ZNF718: variants seen among roughly 807,000 people sequenced by gnomAD.
ZNF718 encodes the protein zinc finger protein 718.
Under a neutral mutation model 2.6 loss-of-function variants are expected in ZNF718, and 3 were observed. The ratio of observed to expected loss-of-function variants is 1.16; its 90% confidence interval spans 0.53 to 3.01. The LOEUF is 3.01. Among genes scored for constraint, ZNF718 ranks in the 30% most tolerant of loss-of-function variants. ZNF718 has a pLI of 0.03. For synonymous variants in ZNF718, 135 were observed against 77.9 expected (o/e 1.73, Z -3.86); for missense variants, 468 against 230.0 (o/e 2.03, Z -6.69).
downstream of ZNF718, among the ~76,000 whole-genome samples, chr4:168,276 A>G (rs909617944): frequency 3.9e-4 from 59 of 152,296 alleles, no homozygotes; most frequent in African/African-American, 1.3e-3. Context: ...GGATTTTCAC[A>G]TTGATGTTCA....
intron 1 of ZNF718, among the ~76,000 whole-genome samples, chr4:126,620 C>T (rs1715231984): frequency 6.6e-6 from 1 of 152,108 alleles, no homozygotes. Context: ...CAGATTACCT[C>T]CCAAATTACT....
At chr4:200,249 T>C (rs782562841) in intron 3 of ZNF718, among the ~76,000 whole-genome samples, 3 of 152,058 alleles carry the variant, frequency 2.0e-5, no homozygotes, top group Admixed American at 2.0e-4. Context: ...GTTTTTTTTT[T>C]TGTTTGTTTG....
At position 162,081 on chromosome 4, in the gene ZNF718, C is replaced by A. The variant is rs1195048888; in HGVS notation, c.1396C>A (p.Leu466Ile). 1 of 769,874 alleles carries A rather than the reference C, an allele frequency of 1.3e-6. No homozygotes were observed. The highest frequency in any genetic ancestry group is 1.7e-5 in the African/African-American group (1 of 58,628). 47.7% of individuals were successfully genotyped at this position (769,874 alleles called of 1,614,324 possible). A position where few individuals can be genotyped will look rare whatever the true frequency, so the allele number is the denominator to read the frequency against. The change falls in exon 4 of 4, where the codon CTT (leucine) becomes ATT (isoleucine). Residue 466 changes from leucine to isoleucine, a missense_variant. Transcript: ENST00000510175. ...CGKAFKQYSN[L>I]PQHKRTHTGG... ...GAAAGCTTTTAAGCAGTACTCCAAC[C>A]TTCCTCAACATAAGAGAACTCATAC...
chr4:201,943 G>A, exon 5 of ZNF718: 1 of 184,692 alleles, frequency 5.4e-6, no homozygotes, highest in South Asian at 1.2e-4. Flanking sequence ...AGAGATCCTT[G>A]TTACATGCCC....
At chr4:142,640 A>G (rs1715862666) in intron 3 of ZNF718, among the ~76,000 whole-genome samples, 1 of 152,350 alleles carries the variant, frequency 6.6e-6, no homozygotes, top group South Asian at 2.1e-4. Context: ...AGCAAATTCT[A>G]CTGTAAAGGC....
intron 3 of ZNF718, among the ~76,000 whole-genome samples, chr4:143,956 G>A (rs1309548257): frequency 1.3e-5 from 2 of 152,094 alleles, no homozygotes; most frequent in Non-Finnish European, 2.9e-5. Flanking sequence ...CACATCTCTC[G>A]GGGGACATGA....
chr4:178,311 G>C (rs879953729), intron 3 of ZNF718, among the ~76,000 whole-genome samples: 2 of 151,906 alleles, frequency 1.3e-5, no homozygotes, highest in Non-Finnish European at 2.9e-5. Flanking sequence ...GCTAATTTTT[G>C]TATTTTTTGT....
chr4:165,418 C>T (rs982066956), downstream of ZNF718, among the ~76,000 whole-genome samples: 1 of 152,114 alleles, frequency 6.6e-6, no homozygotes, highest in African/African-American at 2.4e-5. Context: ...ATAGGTAAAG[C>T]ATCAATATGA....
At chr4:172,746 T>TTTTATACA (rs1553818320) in intron 3 of ZNF718, among the ~76,000 whole-genome samples, 5 of 152,156 alleles carry the variant, frequency 3.3e-5, no homozygotes, top group Non-Finnish European at 5.9e-5. Context: ...GTTATACATG[T>TTTTATACA]GTGTGTAAAT....
intron 3 of ZNF718, among the ~76,000 whole-genome samples, chr4:157,810 G>C (rs7679573): frequency 0.19 from 28,373 of 152,078 alleles, 2,838 homozygotes; most frequent in Admixed American, 0.26. Flanking sequence ...GTATTCTGCT[G>C]TCATTGAGCA....
chr4:141,059 G>A (rs1473599803), intron 3 of ZNF718, among the ~76,000 whole-genome samples: 6 of 152,120 alleles, frequency 3.9e-5, no homozygotes, highest in African/African-American at 4.8e-5. Flanking sequence ...CTAAAGTTGC[G>A]GAATTGTCCA....
chr4:195,622 A>G (rs1472402162), intron 3 of ZNF718, among the ~76,000 whole-genome samples: 3 of 151,814 alleles, frequency 2.0e-5, no homozygotes, highest in Non-Finnish European at 4.4e-5. Flanking sequence ...TGAACTGGTG[A>G]GGTGTGCTCA....
intron 3 of ZNF718, among the ~76,000 whole-genome samples, chr4:141,622 G>A (rs1263213844): frequency 1.3e-5 from 2 of 152,024 alleles, no homozygotes; most frequent in Non-Finnish European, 1.5e-5. Flanking sequence ...CTAAAATGAT[G>A]TTCAATCTGC....
chr4:149,814 CA>C, intron 3 of ZNF718: 1 of 152,208 alleles, frequency 6.6e-6, no homozygotes, highest in South Asian at 2.1e-4. Flanking sequence ...GTGAGACAAA[CA>C]CTTTTGCAAT....
intron 3 of ZNF718, among the ~76,000 whole-genome samples, chr4:191,071 T>C (rs1717683759): frequency 6.6e-6 from 1 of 151,606 alleles, no homozygotes; most frequent in Non-Finnish European, 1.5e-5. Flanking sequence ...CTACAGAATA[T>C]ATTTTCAAAA....
chr4:158,393 G>T (rs1304124359), intron 3 of ZNF718, among the ~76,000 whole-genome samples: 1 of 151,624 alleles, frequency 6.6e-6, no homozygotes, highest in African/African-American at 2.4e-5. Flanking sequence ...TGACAGAAAG[G>T]CTTACTAATA....
intron 3 of ZNF718, among the ~76,000 whole-genome samples, chr4:172,493 T>C (rs1370117439): frequency 6.6e-6 from 1 of 152,180 alleles, no homozygotes; most frequent in Non-Finnish European, 1.5e-5. Flanking sequence ...TCTATGTGTG[T>C]TAATAAATTT....
At chr4:184,861 C>G (rs1219151452) in intron 3 of ZNF718, among the ~76,000 whole-genome samples, 2 of 152,088 alleles carry the variant, frequency 1.3e-5, no homozygotes, top group Non-Finnish European at 2.9e-5. Flanking sequence ...AGTAATATCT[C>G]TTTTATTATT....
intron 3 of ZNF718, among the ~76,000 whole-genome samples, chr4:143,870 C>T (rs1715924296): frequency 6.6e-6 from 1 of 151,990 alleles, no homozygotes; most frequent in Non-Finnish European, 1.5e-5. Flanking sequence ...GGGACTATGC[C>T]CCAAGCCAGC....
Sources: gnomAD v4.1 joint callset for allele counts (sites outside exome capture counted in the v4.1 genomes callset) on GRCh38, gnomAD v4.1.1 for gene constraint, MANE v1.5 for transcripts, NCBI Gene and HGNC (gene_info 2026-07-23, HGNC 2026-07-21) for gene names.